The following SMARCB1 variants were observed in gnomAD, a reference collection of about 807,000 sequenced individuals.
The protein encoded by SMARCB1 is SWI/SNF-related matrix-associated actin-dependent regulator of chromatin subfamily B member 1.
In SMARCB1, 5 loss-of-function variants were observed where a neutral mutation model predicts 49.0. That is an observed-to-expected ratio of 0.10 (90% confidence interval 0.05 to 0.21). SMARCB1 has a LOEUF of 0.21. Among genes scored for constraint, SMARCB1 ranks in the 10% least tolerant of loss-of-function variants. The pLI is 1.00. For synonymous variants in SMARCB1, 201 were observed against 200.1 expected, an observed-to-expected ratio of 1.00 and a Z score of -0.04; for missense variants, 226 against 509.2, an observed-to-expected ratio of 0.44 and a Z score of 5.35.
chr22:23,807,644 A>G lies in SMARCB1; in HGVS notation c.628+4222A>G, dbSNP rs549127939. ...TTCAGGAAGCCAAGTGAAGCCCAAC[A>G]TGATTAACCCAAAGCAATCCATGCC... On this transcript the variant is annotated intron_variant, in intron 5 of 8. Transcript: ENST00000644036. 2.6e-5 allele frequency among the ~76,000 whole-genome samples: 4 copies of G among 152,178 alleles called. No homozygotes were observed. In the East Asian group the frequency reaches 7.7e-4, roughly 29 times the overall value.
At chr22:23,806,239 A>G (rs532743717) in intron 5 of SMARCB1, among the ~76,000 whole-genome samples, 7 of 152,344 alleles carry the variant, frequency 4.6e-5, no homozygotes, top group East Asian at 1.9e-4. Context: ...GAGATTTCCT[A>G]CAGCCCTCAG....
intron 5 of SMARCB1, chr22:23,815,464 G>A (rs1038259815): frequency 2.6e-5 from 4 of 152,230 alleles, no homozygotes; most frequent in African/African-American, 9.7e-5. Flanking sequence ...AACCCGGGAG[G>A]CGGAGCTTGC....
At chr22:23,800,288 C>T (rs1444560917) in intron 3 of SMARCB1, among the ~76,000 whole-genome samples, 1 of 152,226 alleles carries the variant, frequency 6.6e-6, no homozygotes, top group Non-Finnish European at 1.5e-5. Flanking sequence ...ATTTAAATTA[C>T]CTTGGATGTC....
intron 2 of SMARCB1, chr22:23,792,413 C>T (rs915248434): frequency 2.1e-5 from 6 of 285,278 alleles, no homozygotes; most frequent in Non-Finnish European, 4.1e-5. Flanking sequence ...GCTAGGTACA[C>T]TAGTGAAACT....
At chr22:23,797,090 TG>T (rs1928801890) in intron 3 of SMARCB1, among the ~76,000 whole-genome samples, 1 of 125,940 alleles carries the variant, frequency 7.9e-6, no homozygotes, top group Non-Finnish European at 1.6e-5. Context: ...CTCCGCCCCC[TG>T]GGGTTCACGC....
At chr22:23,813,771 T>G (rs922485953) in intron 5 of SMARCB1, among the ~76,000 whole-genome samples, 2 of 152,114 alleles carry the variant, frequency 1.3e-5, no homozygotes, top group Admixed American at 6.5e-5. Flanking sequence ...GATAAGATGG[T>G]TCTAAGATTT....
At chr22:23,789,991 C>G (rs1347304217) in intron 1 of SMARCB1, among the ~76,000 whole-genome samples, 1 of 152,170 alleles carries the variant, frequency 6.6e-6, no homozygotes, top group Non-Finnish European at 1.5e-5. Context: ...GCTGTATTTA[C>G]CAAGCCGGAG....
At chr22:23,821,405 C>G (rs2146020175) in intron 6 of SMARCB1, among the ~76,000 whole-genome samples, 1 of 150,270 alleles carries the variant, frequency 6.7e-6, no homozygotes, top group African/African-American at 2.4e-5. Flanking sequence ...CTCAGAAGAG[C>G]TGGGTATTTC....
At chr22:23,832,701 G>A (rs1168336915) in intron 7 of SMARCB1, among the ~76,000 whole-genome samples, 3 of 152,230 alleles carry the variant, frequency 2.0e-5, no homozygotes, top group Admixed American at 6.5e-5. Context: ...GGAGGCACAC[G>A]GGCCCTGTGG....
intron 5 of SMARCB1, among the ~76,000 whole-genome samples, chr22:23,807,410 C>T (rs557757100): frequency 1.3e-5 from 2 of 152,078 alleles, no homozygotes; most frequent in African/African-American, 4.8e-5. Flanking sequence ...ACGGTGAAAC[C>T]CCATTTCTAC....
intron 1 of SMARCB1, among the ~76,000 whole-genome samples, chr22:23,787,483 T>G (rs1351327558): frequency 6.6e-6 from 1 of 152,162 alleles, no homozygotes; most frequent in Non-Finnish European, 1.5e-5. Flanking sequence ...TCCGCCGCCT[T>G]CAGTGCTGCC....
chr22:23,804,937 C>G (rs1284197905), intron 5 of SMARCB1, among the ~76,000 whole-genome samples: 1 of 152,236 alleles, frequency 6.6e-6, no homozygotes, highest in Non-Finnish European at 1.5e-5. Flanking sequence ...GACGGCTCCA[C>G]AGCAGATAAC....
chr22:23,825,330 C>T lies in SMARCB1; in HGVS notation c.901C>T (p.Leu301=), dbSNP rs1184401758. The change falls in exon 7 of 9, where the codon CTG becomes TTG. Residue 301 remains leucine, a synonymous_variant. Transcript: ENST00000644036. ...EKFALKLCSE[L]GLGGEFVTTI... ...GTTTGCCCTGAAGCTGTGCTCGGAG[C>T]TGGGGTTGGGCGGGGAGTTTGTCAC... 1 of 1,614,040 alleles carries T rather than the reference C, an allele frequency of 6.2e-7. No individual in the cohort carries two copies. The highest frequency in any genetic ancestry group is 8.5e-7 in the Non-Finnish European group (1 of 1,179,990).
intron 1 of SMARCB1, 99 bp downstream of exon 1, chr22:23,787,361 G>T (rs1601382973): frequency 1.8e-6 from 1 of 544,920 alleles, no homozygotes; most frequent in African/African-American, 3.3e-5. Flanking sequence ...TCATCGGGGC[G>T]GGCGGGCGCG....
At chr22:23,816,735 A>G (rs753131957) in intron 5 of SMARCB1, 35 bp from the exon 6 acceptor site, 3 of 1,599,048 alleles carry the variant, frequency 1.9e-6, no homozygotes, top group East Asian at 4.5e-5. Context: ...AGCATGGTGC[A>G]ATCTCTTGGC....
intron 7 of SMARCB1, among the ~76,000 whole-genome samples, chr22:23,827,039 G>C (rs981028869): frequency 6.6e-6 from 1 of 152,220 alleles, no homozygotes; most frequent in African/African-American, 2.4e-5. Flanking sequence ...CAAGCCCTAT[G>C]GCCGGAGAGC....
chr22:23,837,501 G>C lies in SMARCB1; in HGVS notation c.*3321G>C, dbSNP rs73881840. ...TTATGTGGGCCGGCTGGCTTGAGGG[G>C]CTGTAAGAGCACAGCAGCTGGGAGG... On this transcript the variant is annotated 3_prime_UTR_variant, in exon 9 of 9. Coordinates refer to ENST00000644036, the MANE Select transcript of SMARCB1 (RefSeq NM_003073.5). 3,347 of 781,562 alleles carry C rather than the reference G, an allele frequency of 4.3e-3. 79 individuals carry two copies. In the African/African-American group the frequency reaches 0.049, roughly 12 times the overall value. 48.4% of individuals were successfully genotyped at this position (781,562 alleles called of 1,614,324 possible). A position where few individuals can be genotyped will look rare whatever the true frequency, so the allele number is the denominator to read the frequency against.
chr22:23,811,933 C>T (rs931279955), intron 5 of SMARCB1, among the ~76,000 whole-genome samples: 3 of 152,156 alleles, frequency 2.0e-5, no homozygotes, highest in Non-Finnish European at 4.4e-5. Context: ...CAATCTCTAG[C>T]AAGGCTGACA....
intron 7 of SMARCB1, among the ~76,000 whole-genome samples, chr22:23,827,653 G>A (rs547547592): frequency 6.6e-6 from 1 of 152,228 alleles, no homozygotes; most frequent in Non-Finnish European, 1.5e-5. Flanking sequence ...GTGAGCACAC[G>A]TCCCTATCAC....
Sources: allele counts gnomAD v4.1 joint callset (sites outside exome capture counted in the v4.1 genomes callset), GRCh38; gene constraint gnomAD v4.1.1; transcripts MANE v1.5; gene names NCBI Gene and HGNC (gene_info 2026-07-23, HGNC 2026-07-21).